The following PDE4D variants were observed in gnomAD, a reference collection of about 807,000 sequenced individuals.
PDE4D encodes the protein 3',5'-cyclic-AMP phosphodiesterase 4D.
A neutral mutation model predicts 87.4 loss-of-function variants in PDE4D; 24 were observed. The ratio of observed to expected loss-of-function variants is 0.27; its 90% CI spans 0.20 to 0.39. PDE4D has a LOEUF of 0.39. PDE4D is among the 10% of genes least tolerant of loss of function. PDE4D has a pLI of 1.00. For missense variants in PDE4D, 714 were observed against 1,041.0 expected (o/e 0.69, Z 4.32); for synonymous variants, 384 against 383.2 (o/e 1.00, Z -0.02).
intron 5 of PDE4D, among the ~76,000 whole-genome samples, chr5:59,117,218 T>G (rs1323948363): frequency 6.6e-6 from 1 of 152,246 alleles, no homozygotes; most frequent in South Asian, 2.1e-4. Flanking sequence ...GAGGCAGGTC[T>G]CTTATTCTAT....
intron 2 of PDE4D, among the ~76,000 whole-genome samples, chr5:60,114,840 ATGTGTGTATAAATACATATAACTATG>A (rs1777993367): frequency 6.6e-6 from 1 of 152,094 alleles, no homozygotes; most frequent in African/African-American, 2.4e-5. Flanking sequence ...TTATATGTAT[ATGTGTGTATAAATACATATAACTATG>A]TGTGTATGTA....
intron 3 of PDE4D, among the ~76,000 whole-genome samples, chr5:59,916,467 C>T (rs1754055107): frequency 6.6e-6 from 1 of 152,168 alleles, no homozygotes; most frequent in Non-Finnish European, 1.5e-5. Context: ...CATATAATAA[C>T]TCTGGTCAAA....
At chr5:60,269,743 G>A (rs949893710) in intron 1 of PDE4D, among the ~76,000 whole-genome samples, 3 of 152,182 alleles carry the variant, frequency 2.0e-5, no homozygotes, top group Non-Finnish European at 4.4e-5. Flanking sequence ...GTAAGATGAT[G>A]AATATATTGA....
intron 1 of PDE4D, among the ~76,000 whole-genome samples, chr5:59,762,143 T>G (rs1022845762): frequency 6.6e-6 from 1 of 151,876 alleles, no homozygotes; most frequent in African/African-American, 2.4e-5. Context: ...TATAGATATA[T>G]ATATGTGTGT....
chr5:60,197,935 T>C (rs719702), intron 1 of PDE4D, among the ~76,000 whole-genome samples: 76,447 of 150,854 alleles, frequency 0.51, 20,799 homozygotes, highest in Admixed American at 0.58. Context: ...AAACTGTACA[T>C]GCCCCTTAGT....
intron 5 of PDE4D, among the ~76,000 whole-genome samples, chr5:59,131,462 A>G (rs1776249300): frequency 6.6e-6 from 1 of 152,144 alleles, no homozygotes; most frequent in African/African-American, 2.4e-5. Context: ...CATTTTTGAG[A>G]GCATATGAAA....
chr5:59,025,224 A>G (rs1031404658), intron 6 of PDE4D, among the ~76,000 whole-genome samples: 4 of 152,292 alleles, frequency 2.6e-5, no homozygotes, highest in African/African-American at 9.6e-5. Flanking sequence ...AACCCTTCCA[A>G]TTTTGAAATT....
Position 59,309,327 on chromosome 5 carries a change from TAG to T in PDE4D, c.456-93361_456-93360del, listed in dbSNP as rs1206344069. On this transcript the variant is annotated intron_variant, in intron 1 of 14. Coordinates refer to ENST00000340635, the MANE Select transcript of PDE4D (RefSeq NM_001104631.2). ...TCAGCTAGAGATTTTCTTCTCCCTGTAGAGTTTTACCCCTTGCACCTCTGGCT... is the reference window on the plus strand; with the variant it reads ...TCAGCTAGAGATTTTCTTCTCCCTGTAGTTTTACCCCTTGCACCTCTGGCT... Among the ~76,000 whole-genome samples the T allele has an allele frequency of 3.9e-5, 6 of 152,302 alleles. No individual in the cohort carries two copies. The South Asian group carries it at 8.3e-4, about 21-fold the overall frequency.
chr5:59,435,207 T>A (rs1258523056), intron 1 of PDE4D, among the ~76,000 whole-genome samples: 2 of 152,176 alleles, frequency 1.3e-5, no homozygotes, highest in African/African-American at 4.8e-5. Context: ...ACCAAGATTA[T>A]CTTAAAATGG....
chr5:59,071,416 A>G (rs1052709615), intron 5 of PDE4D, among the ~76,000 whole-genome samples: 6 of 151,346 alleles, frequency 4.0e-5, no homozygotes, highest in African/African-American at 1.2e-4. Context: ...TGTATTTTCT[A>G]CCTTTTTGTA....
At chr5:60,515,607 T>TA (rs1583971421) in intron 1 of PDE4D, among the ~76,000 whole-genome samples, 1 of 147,986 alleles carries the variant, frequency 6.8e-6, no homozygotes, top group Non-Finnish European at 1.5e-5. Flanking sequence ...TTTTCTTTTT[T>TA]TTTTTTTTTT....
chr5:60,027,628 C>T (rs1411605072), intron 2 of PDE4D, among the ~76,000 whole-genome samples: 1 of 152,160 alleles, frequency 6.6e-6, no homozygotes, highest in Non-Finnish European at 1.5e-5. Flanking sequence ...ACACTGTAAG[C>T]GTCATCACAG....
intron 1 of PDE4D, among the ~76,000 whole-genome samples, chr5:60,306,994 G>C (rs1415316368): frequency 2.6e-5 from 4 of 152,012 alleles, no homozygotes; most frequent in Admixed American, 6.5e-5. Context: ...ACTATTTGTG[G>C]TTTTTGCCAT....
Position 58,978,281 on chromosome 5 carries a change from G to A in PDE4D, c.1553-936C>T, listed in dbSNP as rs538317109. On this transcript the variant is annotated intron_variant, in intron 11 of 14. Transcript: ENST00000340635. The stretch of plus-strand genomic sequence containing the variant: ...AATAAAAAATTATCTGGGGATGGTA[G>A]GGCGTGCCTGTAGTCCCAGCTACTT... Among the ~76,000 whole-genome samples, 73 of 108,926 alleles carry A rather than the reference G, an allele frequency of 6.7e-4. 1 individual carries two copies. In the South Asian group the frequency reaches 0.018, roughly 27 times the overall value. The allele number at this position is 108,926 out of a possible 152,430, so 71.5% of individuals were successfully genotyped here. A position where few individuals can be genotyped will look rare whatever the true frequency, so the allele number is the denominator to read the frequency against.
intron 1 of PDE4D, among the ~76,000 whole-genome samples, chr5:59,503,035 A>G (rs1391505596): frequency 6.6e-6 from 1 of 152,054 alleles, no homozygotes; most frequent in South Asian, 2.1e-4. Flanking sequence ...GAATCTAAAG[A>G]CAAGTGTATA....
intron 5 of PDE4D, among the ~76,000 whole-genome samples, chr5:59,096,149 G>A (rs370372208): frequency 1.3e-5 from 2 of 152,120 alleles, no homozygotes; most frequent in Admixed American, 6.5e-5. Context: ...GGGAAGATGA[G>A]GATGAGGAAC....
chr5:59,548,798 G>T (rs1356207552), intron 1 of PDE4D, among the ~76,000 whole-genome samples: 1 of 152,154 alleles, frequency 6.6e-6, no homozygotes, highest in Non-Finnish European at 1.5e-5. Flanking sequence ...TCTCAGCTCT[G>T]CAGGGTGCAT....
chr5:59,752,855 T>C (rs1760680851), intron 1 of PDE4D, among the ~76,000 whole-genome samples: 1 of 152,090 alleles, frequency 6.6e-6, no homozygotes, highest in South Asian at 2.1e-4. Flanking sequence ...GTTGCAGAGA[T>C]AGGTGCAGAA....
intron 1 of PDE4D, among the ~76,000 whole-genome samples, chr5:59,672,026 A>C (rs567508812): frequency 6.6e-6 from 1 of 152,112 alleles, no homozygotes; most frequent in Non-Finnish European, 1.5e-5. Flanking sequence ...CGATAACTCT[A>C]TAGCACACTC....
Sources: allele counts gnomAD v4.1 joint callset (sites outside exome capture counted in the v4.1 genomes callset), GRCh38; gene constraint gnomAD v4.1.1; transcripts MANE v1.5; gene names NCBI Gene and HGNC (gene_info 2026-07-23, HGNC 2026-07-21).